Variants in RTEL1 observed in about 807,000 individuals in gnomAD.
RTEL1 encodes regulator of telomere elongation helicase 1, also known as regulator of telomere length.
Under a neutral mutation model 162.2 loss-of-function variants are expected in RTEL1, and 86 were observed. The observed-to-expected ratio is 0.53, with a 90% CI of 0.45 to 0.63. The LOEUF is 0.63. Among genes scored for constraint, RTEL1 ranks in the 30% least tolerant of loss-of-function variants. The probability of loss-of-function intolerance (pLI) is 0.00; values close to 1 mark genes in which losing one functional copy is unlikely to be tolerated. For missense variants in RTEL1, 1,941 were observed against 1,750.2 expected, an observed-to-expected ratio of 1.11 and a Z score of -1.95; for synonymous variants, 958 against 717.9, an observed-to-expected ratio of 1.33 and a Z score of -5.35.
In RTEL1 at chr20:63,693,511, C is replaced by G. The variant is rs1169342488; in HGVS notation, c.2992+228C>G. Among the ~76,000 whole-genome samples the G allele has an allele frequency of 1.3e-4, 5 of 38,462 alleles. 1 individual carries two copies. Among genetic ancestry groups the G allele is most frequent in the African/African-American group, 4.2e-4 (4 of 9,414 alleles). The allele number at this position is 38,462 out of a possible 152,430, so 25.2% of individuals were successfully genotyped here. A position where few individuals can be genotyped will look rare whatever the true frequency, so the allele number is the denominator to read the frequency against. ...ACCACCTCCACCTCCACCACCACCT[C>G]CTCCACCACCACCACCTCCACCACC... On this transcript the variant is annotated intron_variant, in intron 30 of 34. Transcript: ENST00000360203.
At chr20:63,660,249 C>T (rs2089991685) in intron 2 of RTEL1, among the ~76,000 whole-genome samples, 1 of 152,248 alleles carries the variant, frequency 6.6e-6, no homozygotes, top group African/African-American at 2.4e-5. Flanking sequence ...TAATCCTCAG[C>T]ACAGACCCTT....
In RTEL1 at chr20:63,661,951, A is replaced by G. The variant is rs992952054; in HGVS notation, c.395+8A>G. ...TCGGAACACCTCCTACCGGTGGGTCAGACGAGTTTACACCTGTCTCGGGGT... is the reference window on the plus strand; with the variant it reads ...TCGGAACACCTCCTACCGGTGGGTCGGACGAGTTTACACCTGTCTCGGGGT... On this transcript the variant is annotated splice_region_variant and intron_variant, in intron 4 of 34. Coordinates refer to ENST00000360203, the MANE Select transcript of RTEL1 (RefSeq NM_001283009.2). This position sits in a 1 kb window ranked among gnomAD's most constrained non-coding sequence, Gnocchi z 5.1. 1.2e-6 allele frequency: 2 copies of G among 1,610,186 alleles called. No individual in the cohort carries two copies. Among genetic ancestry groups the G allele is most frequent in the Middle Eastern group, 1.7e-4 (1 of 6,054 alleles).
At position 63,690,308 on chromosome 20, in the gene RTEL1, C is replaced by T. The variant is rs765015936; in HGVS notation, c.2280C>T (p.Ala760=). Residue 760 remains alanine (A), a synonymous_variant, in exon 26 of 35, where the codon GCC becomes GCT. Coordinates refer to ENST00000360203, the MANE Select transcript of RTEL1 (RefSeq NM_001283009.2). ...TGGTTCTGCAGATGCCAGCGCCGGCCCCCCGGGCTACAGCACCCAGTGTGC... is the reference window on the plus strand; with the variant it reads ...TGGTTCTGCAGATGCCAGCGCCGGCTCCCCGGGCTACAGCACCCAGTGTGC... ...RVAERTMPAP[A]PRATAPSVRG... is the part of the protein sequence containing the mutation. The T allele has an allele frequency of 3.3e-5, 53 of 1,607,496 alleles. No homozygotes were observed. Among genetic ancestry groups the T allele is most frequent in the Non-Finnish European group, 4.2e-5 (49 of 1,176,378 alleles).
intron 30 of RTEL1, among the ~76,000 whole-genome samples, chr20:63,693,621 A>ACCACCT (rs2090869697): frequency 1.0e-4 from 2 of 19,830 alleles, no homozygotes; most frequent in East Asian, 1.1e-3. Context: ...CTCCACCTCC[A>ACCACCT]CCACCACCTC....
intron 30 of RTEL1, 55 bp downstream of exon 30, chr20:63,693,338 C>A: frequency 6.2e-7 from 1 of 1,601,780 alleles, no homozygotes; most frequent in Non-Finnish European, 8.5e-7. Context: ...GCAGTGTGGG[C>A]CAGAGTCCTG....
intron 6 of RTEL1, among the ~76,000 whole-genome samples, chr20:63,665,782 G>T (rs1258248746): frequency 1.3e-5 from 2 of 152,202 alleles, no homozygotes; most frequent in East Asian, 3.8e-4. Context: ...CTGAACCTCA[G>T]GCCTTCTGGG....
Position 63,694,913 on chromosome 20 carries a change from GGTGCTGGCT to G in RTEL1, c.3286_3294del (p.Val1098_Ala1100del), listed in dbSNP as rs2090933253. The G allele has an allele frequency of 6.2e-7, 1 of 1,612,528 alleles. No individual in the cohort carries two copies. The highest frequency in any genetic ancestry group is 1.1e-5 in the South Asian group (1 of 91,092). ...ATAAGCAAGACGACGACCTCGACAA[GGTGCTGGCT>G]GTGTTGGCCGCCCTGACCACTGCAA... is the stretch of plus-strand genomic sequence containing the variant. On this transcript the variant is annotated inframe_deletion, in exon 32 of 35. Coordinates refer to ENST00000360203, the MANE Select transcript of RTEL1 (RefSeq NM_001283009.2).
At chr20:63,664,207 G>A (rs1157462461) in intron 6 of RTEL1, among the ~76,000 whole-genome samples, 1 of 152,212 alleles carries the variant, frequency 6.6e-6, no homozygotes, top group Non-Finnish European at 1.5e-5. Context: ...CTCTGGGACG[G>A]GGGGTTGGGC....
rs1454430469 is a variant in RTEL1 at position 63,673,983 on chromosome 20, A to C, written c.809A>C (p.His270Pro). Residue 270 changes from histidine (H) to proline (P), a missense_variant, in exon 10 of 35, where the codon CAT (histidine) becomes CCT (proline). Physicochemically the swap from His to Pro is moderately conservative, Grantham distance 77. Coordinates refer to ENST00000360203, the MANE Select transcript of RTEL1 (RefSeq NM_001283009.2). The stretch of plus-strand genomic sequence containing the variant: ...TCGGCATCCTTTGACCTGACTCCCC[A>C]TGACCTGGCTTCAGGACTGGACGTC... The part of the protein sequence containing the change: ...EESASFDLTP[H>P]DLASGLDVID... 2 of 1,613,942 alleles carry C rather than the reference A, an allele frequency of 1.2e-6. No individual in the cohort carries two copies. Among genetic ancestry groups the C allele is most frequent in the Admixed American group, 3.3e-5 (2 of 59,996 alleles).
At position 63,668,621 on chromosome 20, in the gene RTEL1, C is replaced by T. The variant is rs1441783701; in HGVS notation, c.699+1068C>T. Among the ~76,000 whole-genome samples, 1 of 151,874 alleles carries T rather than the reference C, an allele frequency of 6.6e-6. No individual in the cohort carries two copies. The highest frequency in any genetic ancestry group is 2.4e-5 in the African/African-American group (1 of 41,340). On this transcript the variant is annotated intron_variant, in intron 8 of 34. Transcript: ENST00000360203. The surrounding 1 kb of genome is among the most constrained non-coding windows in gnomAD (Gnocchi z 4.3). Reference sequence around the variant, plus strand: ...AGGTGAGTGGGGGCGGCTGGGGGGCCGACTCCTGGGAAGCTGTAGCAGAAC... The same window carrying T: ...AGGTGAGTGGGGGCGGCTGGGGGGCTGACTCCTGGGAAGCTGTAGCAGAAC...
At chr20:63,693,106 AAG>A (rs1477275210) in intron 29 of RTEL1, 35 bp from the exon 30 acceptor site, 4 of 1,611,850 alleles carry the variant, frequency 2.5e-6, no homozygotes, top group African/African-American at 1.3e-5. Flanking sequence ...TCTAGAGAAA[AAG>A]GGGCAGATGG....
At chr20:63,695,245 C>G (rs749859462) in intron 33 of RTEL1, 24 bp downstream of exon 33, 12 of 1,608,944 alleles carry the variant, frequency 7.5e-6, no homozygotes, top group Non-Finnish European at 2.5e-6. Context: ...CTGGCTGCTC[C>G]TGGCAGCGCC....
chr20:63,694,175 G>A (rs770470509), intron 30 of RTEL1, 197 bp from the exon 31 acceptor site: 35 of 589,440 alleles, frequency 5.9e-5, no homozygotes, highest in Middle Eastern at 3.0e-4. Context: ...TGGCCTGCCC[G>A]CCACTGTTCC....
intron 30 of RTEL1, among the ~76,000 whole-genome samples, chr20:63,693,915 G>T (rs959453479): frequency 6.6e-6 from 1 of 150,484 alleles, no homozygotes. Context: ...AACTGCACAC[G>T]CCAGGGTCCT....
intron 16 of RTEL1, 26 bp from the exon 17 acceptor site, chr20:63,687,612 G>C: frequency 6.3e-7 from 1 of 1,584,614 alleles, no homozygotes; most frequent in South Asian, 1.1e-5. Context: ...CACACTCTGT[G>C]CCCTCTGCCG....
chr20:63,658,540 A>G (rs2089954771), intron 1 of RTEL1, 74 bp downstream of exon 1: 1 of 152,260 alleles, frequency 6.6e-6, no homozygotes, highest in Non-Finnish European at 1.5e-5. Flanking sequence ...TTTCGAAACT[A>G]CAGCTCCCGG....
chr20:63,676,080 C>A (rs1462230375), intron 10 of RTEL1, among the ~76,000 whole-genome samples: 1 of 151,838 alleles, frequency 6.6e-6, no homozygotes, highest in Non-Finnish European at 1.5e-5. Context: ...GTTCCCCCAC[C>A]CCTTTGGAGA....
At chr20:63,693,531 A>ACCTCCACCACCACCACCTCCACCT in intron 30 of RTEL1, among the ~76,000 whole-genome samples, 1 of 12,492 alleles carries the variant, frequency 8.0e-5, no homozygotes, top group Non-Finnish European at 1.7e-4. Flanking sequence ...CACCACCTCC[A>ACCTCCACCACCACCACCTCCACCT]CCACCACCAC....
intron 6 of RTEL1, among the ~76,000 whole-genome samples, chr20:63,663,744 T>C (rs1361582199): frequency 3.3e-5 from 5 of 152,070 alleles, no homozygotes; most frequent in Non-Finnish European, 7.4e-5. Flanking sequence ...TCAGGTGAGG[T>C]GGCCCCGGAG....
Sources: gnomAD v4.1 joint callset for allele counts (sites outside exome capture counted in the v4.1 genomes callset) on GRCh38, gnomAD v4.1.1 for gene constraint, Gnocchi (gnomAD v3.1) non-coding constraint, MANE v1.5 for transcripts, NCBI Gene and HGNC (gene_info 2026-07-23, HGNC 2026-07-21) for gene names.